Variants in STAMBP observed in about 807,000 individuals in gnomAD.
STAMBP encodes STAM-binding protein.
In STAMBP, 31 loss-of-function variants were observed where a neutral mutation model predicts 50.7. The ratio of observed to expected loss-of-function variants is 0.61; its 90% confidence interval spans 0.46 to 0.83. The LOEUF is 0.83. STAMBP is among the 40% of genes least tolerant of loss of function. The probability of loss-of-function intolerance (pLI) is 0.00; values close to 1 mark genes in which losing one functional copy is unlikely to be tolerated. For missense variants in STAMBP, 472 were observed against 518.9 expected (o/e 0.91, Z 0.88); for synonymous variants, 211 against 192.4 (o/e 1.10, Z -0.80).
At chr2:73,838,708 C>G (rs1232962506) in intron 2 of STAMBP, among the ~76,000 whole-genome samples, 1 of 152,138 alleles carries the variant, frequency 6.6e-6, no homozygotes, top group Non-Finnish European at 1.5e-5. Context: ...TTGTCCCTGT[C>G]ACTTATAGGA....
chr2:73,838,109 T>A (rs1230075160), intron 2 of STAMBP, among the ~76,000 whole-genome samples: 2 of 152,142 alleles, frequency 1.3e-5, no homozygotes, highest in African/African-American at 4.8e-5. Flanking sequence ...TTAGAACGGG[T>A]AGAAAGGTGA....
At chr2:73,859,993 A>G in intron 8 of STAMBP, 59 bp from the exon 9 acceptor site, 2 of 1,239,670 alleles carry the variant, frequency 1.6e-6, no homozygotes, top group South Asian at 2.4e-5. Flanking sequence ...GTGCGTGCAT[A>G]TGTTTGGGAT....
At chr2:73,837,683 G>A (rs1573272554) in intron 2 of STAMBP, among the ~76,000 whole-genome samples, 1 of 151,728 alleles carries the variant, frequency 6.6e-6, no homozygotes. Context: ...ATAAAATTGG[G>A]GTATTCTTGG....
At chr2:73,852,972 G>C (rs1003568973) in intron 7 of STAMBP, among the ~76,000 whole-genome samples, 49 of 148,298 alleles carry the variant, frequency 3.3e-4, no homozygotes, top group African/African-American at 1.2e-3. Flanking sequence ...AGTAGAGACT[G>C]GGTTTCACTA....
intron 2 of STAMBP, among the ~76,000 whole-genome samples, chr2:73,842,487 A>G (rs904918028): frequency 6.6e-6 from 1 of 152,194 alleles, no homozygotes; most frequent in Admixed American, 6.5e-5. Flanking sequence ...CTGGGACTGA[A>G]TAGGCAGGTA....
At chr2:73,843,984 A>G (rs766927582) in intron 2 of STAMBP, among the ~76,000 whole-genome samples, 56 of 152,254 alleles carry the variant, frequency 3.7e-4, no homozygotes, top group Non-Finnish European at 7.2e-4. Context: ...AGTATGGTGT[A>G]GTGGTTAAAA....
At chr2:73,837,368 G>A (rs1020952355) in intron 2 of STAMBP, among the ~76,000 whole-genome samples, 13 of 151,990 alleles carry the variant, frequency 8.6e-5, no homozygotes, top group Admixed American at 4.6e-4. Flanking sequence ...GGCGGATCAC[G>A]AGGTCAGGAG....
intron 7 of STAMBP, among the ~76,000 whole-genome samples, chr2:73,852,653 A>G (rs1676978084): frequency 6.6e-6 from 1 of 152,290 alleles, no homozygotes; most frequent in African/African-American, 2.4e-5. Flanking sequence ...GGTAAGGCAC[A>G]GAAGCCATAG....
Position 73,862,221 on chromosome 2 carries a change from G to C in STAMBP, c.1237G>C (p.Val413Leu). ...ATTGCAGAGCTGCAGCCACGTGACT[G>C]TTGTGGACAGAGCAGTGACCATCAC... is the stretch of plus-strand genomic sequence containing the variant. ...PLFCSCSHVT[V>L]VDRAVTITDL... is the part of the protein sequence containing the mutation. Residue 413 changes from valine to leucine, a missense_variant, in exon 10 of 10, where the codon GTT becomes CTT. Coordinates refer to ENST00000394070, the MANE Select transcript of STAMBP (RefSeq NM_213622.4). The C allele has an allele frequency of 6.2e-7, 1 of 1,610,446 alleles. No individual in the cohort carries two copies. The highest frequency in any genetic ancestry group is 1.7e-5 in the Admixed American group (1 of 59,030).
At chr2:73,841,173 C>T (rs1015151455) in intron 2 of STAMBP, among the ~76,000 whole-genome samples, 3 of 152,092 alleles carry the variant, frequency 2.0e-5, no homozygotes, top group African/African-American at 7.2e-5. Flanking sequence ...TTTCCTCTCT[C>T]CAGGCTTCAA....
In STAMBP at chr2:73,865,877, C is replaced by T. The variant is rs1678836310; in HGVS notation, c.*3618C>T. The T allele has an allele frequency of 6.6e-6, 1 of 152,332 alleles. No homozygotes were observed. The highest frequency in any genetic ancestry group is 2.4e-5 in the African/African-American group (1 of 41,576). The allele number at this position is 152,332 out of a possible 1,614,324, so 9.4% of individuals were successfully genotyped here. Reference sequence around the variant, plus strand: ...CACTAGCTAGGCTTTGACTCCAAAGCTATCTGGTCTACCTTGATGTTCTGA... The same window carrying T: ...CACTAGCTAGGCTTTGACTCCAAAGTTATCTGGTCTACCTTGATGTTCTGA... On this transcript the variant is annotated 3_prime_UTR_variant, in exon 10 of 10. Coordinates refer to ENST00000394070, the MANE Select transcript of STAMBP (RefSeq NM_213622.4).
At chr2:73,855,096 T>G (rs890067028) in intron 7 of STAMBP, among the ~76,000 whole-genome samples, 5 of 152,214 alleles carry the variant, frequency 3.3e-5, no homozygotes, top group Admixed American at 3.3e-4. Flanking sequence ...CCTTGTCAAC[T>G]ATGAATCAGC....
In STAMBP at chr2:73,862,190, T is replaced by C; in HGVS notation, c.1219-13T>C. ...ATTTTCTAGGACTCCACCTTTCTTT[T>C]TTCCTATTGCAGAGCTGCAGCCACG... is the stretch of plus-strand genomic sequence containing the variant. On this transcript the variant is annotated splice_polypyrimidine_tract_variant and intron_variant, in intron 9 of 9. Transcript: ENST00000394070. 3 of 1,594,278 alleles carry C rather than the reference T, an allele frequency of 1.9e-6. No homozygotes were observed. The highest frequency in any genetic ancestry group is 2.6e-6 in the Non-Finnish European group (3 of 1,174,686).
rs1678802418 is a variant in STAMBP at position 73,865,622 on chromosome 2, A to C, written c.*3363A>C. 1 of 152,252 alleles carries C rather than the reference A, an allele frequency of 6.6e-6. No individual in the cohort carries two copies. Among genetic ancestry groups the C allele is most frequent in the African/African-American group, 2.4e-5 (1 of 41,464 alleles). The allele number at this position is 152,252 out of a possible 1,614,324, so 9.4% of individuals were successfully genotyped here. The stretch of plus-strand genomic sequence containing the variant: ...ATCACTTAACTTCCTAAATTTCTTT[A>C]AAATCTGTAAAATGGGATCAGTCTA... On this transcript the variant is annotated 3_prime_UTR_variant, in exon 10 of 10. Transcript: ENST00000394070.
At chr2:73,837,914 C>T (rs1332596248) in intron 2 of STAMBP, among the ~76,000 whole-genome samples, 1 of 152,042 alleles carries the variant, frequency 6.6e-6, no homozygotes, top group Non-Finnish European at 1.5e-5. Context: ...GTTCAAGAGG[C>T]AGGAGGAAAT....
intron 7 of STAMBP, among the ~76,000 whole-genome samples, chr2:73,858,991 C>G (rs1677948731): frequency 6.6e-6 from 1 of 151,958 alleles, no homozygotes; most frequent in Non-Finnish European, 1.5e-5. Flanking sequence ...CCTATACATG[C>G]ATACTTGCGA....
rs1673834256 is a variant in STAMBP at position 73,830,943 on chromosome 2, A to C, written c.87A>C (p.Glu29Asp). Residue 29 changes from glutamate (E) to aspartate (D), a missense_variant, in exon 2 of 10, where the codon GAA (glutamate) becomes GAC (aspartate). Physicochemically the swap from Glu to Asp is conservative, Grantham distance 45 (BLOSUM62 2). Transcript: ENST00000394070. ...SQLGSAVEVN[E>D]DIPPRRYFRS... The stretch of plus-strand genomic sequence containing the variant: ...TGGGTAGTGCGGTAGAGGTGAATGA[A>C]GACATTCCACCCCGTCGGTACTTCC... The C allele has an allele frequency of 1.2e-6, 2 of 1,614,170 alleles. No individual in the cohort carries two copies. Among genetic ancestry groups the C allele is most frequent in the Admixed American group, 1.7e-5 (1 of 60,020 alleles).
At chr2:73,849,524 C>A in intron 6 of STAMBP, 37 bp downstream of exon 6, 6 of 1,555,702 alleles carry the variant, frequency 3.9e-6, no homozygotes, top group Non-Finnish European at 5.2e-6. Flanking sequence ...TTCTCTGAAC[C>A]GAAACTGTTT....
intron 2 of STAMBP, among the ~76,000 whole-genome samples, chr2:73,841,745 A>C (rs1451644869): frequency 6.6e-6 from 1 of 152,194 alleles, no homozygotes; most frequent in East Asian, 1.9e-4. Context: ...CATAGCTAGT[A>C]AATGGCAAAA....
Sources: allele counts gnomAD v4.1 joint callset (sites outside exome capture counted in the v4.1 genomes callset), GRCh38; gene constraint gnomAD v4.1.1; transcripts MANE v1.5; gene names NCBI Gene and HGNC (gene_info 2026-07-23, HGNC 2026-07-21).